Variants in CACNA2D3 observed in about 807,000 individuals in gnomAD.
The protein encoded by CACNA2D3 is calcium voltage-gated channel auxiliary subunit alpha2delta 3.
In CACNA2D3, 60 loss-of-function variants were observed where a neutral mutation model predicts 160.6. The ratio of observed to expected loss-of-function variants is 0.37; its 90% CI spans 0.30 to 0.46. The LOEUF is 0.46. Ranked by LOEUF, CACNA2D3 falls within the 20% of genes least tolerant of loss-of-function variation. CACNA2D3 has a pLI of 1.00. For missense variants in CACNA2D3, 1,205 were observed against 1,365.0 expected (o/e 0.88, Z 1.85); for synonymous variants, 558 against 492.9 (o/e 1.13, Z -1.75).
intron 13 of CACNA2D3, among the ~76,000 whole-genome samples, chr3:54,781,870 C>T (rs931945101): frequency 2.6e-5 from 4 of 152,160 alleles, no homozygotes; most frequent in Non-Finnish European, 5.9e-5. Flanking sequence ...AGTCAGCTAA[C>T]GTTCTATTTG....
chr3:54,855,435 C>T (rs1001534113), intron 17 of CACNA2D3, among the ~76,000 whole-genome samples: 1 of 152,176 alleles, frequency 6.6e-6, no homozygotes, highest in Non-Finnish European at 1.5e-5. Context: ...TTACTAAATC[C>T]TCCTTAATTT....
intron 35 of CACNA2D3, among the ~76,000 whole-genome samples, chr3:55,051,777 T>G (rs2107206624): frequency 6.6e-6 from 1 of 152,178 alleles, no homozygotes; most frequent in African/African-American, 2.4e-5. Flanking sequence ...CGTAGGACCC[T>G]CCGAGCCAGG....
intron 9 of CACNA2D3, among the ~76,000 whole-genome samples, chr3:54,586,067 A>G (rs894288422): frequency 3.5e-4 from 53 of 152,232 alleles, no homozygotes; most frequent in Admixed American, 7.8e-4. Context: ...AATCGAGACC[A>G]TCCTGGCTAA....
chr3:54,289,297 C>G (rs534810446), intron 2 of CACNA2D3, among the ~76,000 whole-genome samples: 3 of 151,886 alleles, frequency 2.0e-5, no homozygotes, highest in Non-Finnish European at 4.4e-5. Flanking sequence ...TGAGTGAACT[C>G]CCATTCACAA....
At chr3:54,805,581 G>C (rs561712793) in intron 13 of CACNA2D3, among the ~76,000 whole-genome samples, 2,814 of 152,228 alleles carry the variant, frequency 0.018, 72 homozygotes, top group African/African-American at 0.058. Flanking sequence ...ACCAAAAAGA[G>C]TCCAGGACCA....
At chr3:54,344,066 T>C (rs1698412606) in intron 3 of CACNA2D3, among the ~76,000 whole-genome samples, 1 of 152,224 alleles carries the variant, frequency 6.6e-6, no homozygotes, top group Non-Finnish European at 1.5e-5. Flanking sequence ...ATTATTTTGC[T>C]GCAAATTATC....
At chr3:54,178,873 T>C (rs2107320287) in intron 2 of CACNA2D3, among the ~76,000 whole-genome samples, 1 of 152,320 alleles carries the variant, frequency 6.6e-6, no homozygotes, top group Non-Finnish European at 1.5e-5. Context: ...TGAGGCTGCC[T>C]AGTGAGGAGT....
intron 11 of CACNA2D3, among the ~76,000 whole-genome samples, chr3:54,751,479 T>C (rs1265528233): frequency 2.6e-5 from 4 of 152,116 alleles, no homozygotes; most frequent in Non-Finnish European, 5.9e-5. Context: ...AATCTCTTCA[T>C]GTATTGAGTA....
chr3:54,953,548 A>G (rs926438881), intron 27 of CACNA2D3, among the ~76,000 whole-genome samples: 5 of 152,184 alleles, frequency 3.3e-5, no homozygotes, highest in Non-Finnish European at 5.9e-5. Flanking sequence ...CATTACAACA[A>G]GGCCTCAGGA....
intron 4 of CACNA2D3, among the ~76,000 whole-genome samples, chr3:54,428,739 C>CT (rs1291197068): frequency 1.3e-5 from 2 of 152,220 alleles, no homozygotes; most frequent in South Asian, 2.1e-4. Context: ...CCATCTCACT[C>CT]TTTGTGTATG....
At chr3:54,573,865 C>T (rs1011563) in intron 8 of CACNA2D3, among the ~76,000 whole-genome samples, 54,933 of 152,056 alleles carry the variant, frequency 0.36, 10,817 homozygotes, top group Non-Finnish European at 0.44. Context: ...AATTCTTATT[C>T]TTTTTTCCTC....
chr3:55,007,251 A>G (rs1703118071), intron 32 of CACNA2D3, among the ~76,000 whole-genome samples: 1 of 152,224 alleles, frequency 6.6e-6, no homozygotes, highest in African/African-American at 2.4e-5. Flanking sequence ...TTATATGGTT[A>G]TCATTTTCTT....
At position 55,029,504 on chromosome 3, in the gene CACNA2D3, T is replaced by G. The variant is rs1013572209; in HGVS notation, c.2987+11187T>G. On this transcript the variant is annotated intron_variant, in intron 35 of 37. Transcript: ENST00000474759. ...CAGGGATGCAGGAAAACCACAGGACTCCTTACTCGAGATTTCTCAGCCTTG... is the reference window on the plus strand; with the variant it reads ...CAGGGATGCAGGAAAACCACAGGACGCCTTACTCGAGATTTCTCAGCCTTG... Among the ~76,000 whole-genome samples, 4 of 152,188 alleles carry G rather than the reference T, an allele frequency of 2.6e-5. No individual in the cohort carries two copies. In the East Asian group the frequency reaches 7.7e-4, roughly 29 times the overall value.
intron 4 of CACNA2D3, among the ~76,000 whole-genome samples, chr3:54,387,502 A>C (rs1253851210): frequency 6.6e-6 from 1 of 152,108 alleles, no homozygotes; most frequent in Non-Finnish European, 1.5e-5. Context: ...AAATACAAAA[A>C]TTAGCTGGGC....
At chr3:54,299,549 G>T (rs757244274) in intron 2 of CACNA2D3, among the ~76,000 whole-genome samples, 1 of 152,194 alleles carries the variant, frequency 6.6e-6, no homozygotes. Context: ...ATTAAAGGAA[G>T]CGTAATGGTA....
intron 5 of CACNA2D3, among the ~76,000 whole-genome samples, chr3:54,512,578 A>G (rs1035916121): frequency 2.0e-5 from 3 of 152,160 alleles, no homozygotes; most frequent in Admixed American, 1.3e-4. Context: ...CAAGAAATTC[A>G]GTGAAGGGAG....
chr3:54,457,607 T>C, intron 4 of CACNA2D3, among the ~76,000 whole-genome samples: 1 of 152,156 alleles, frequency 6.6e-6, no homozygotes, highest in South Asian at 2.1e-4. Flanking sequence ...GGATTTTTTT[T>C]ATTGATTTTC....
chr3:54,277,974 A>G (rs1702784760), intron 2 of CACNA2D3, among the ~76,000 whole-genome samples: 1 of 152,222 alleles, frequency 6.6e-6, no homozygotes, highest in East Asian at 1.9e-4. Context: ...ATGGCAACAA[A>G]AGCCAAAATG....
chr3:54,785,983 G>A (rs908304576), intron 13 of CACNA2D3, among the ~76,000 whole-genome samples: 1 of 152,050 alleles, frequency 6.6e-6, no homozygotes, highest in African/African-American at 2.4e-5. Flanking sequence ...CATTATTTTA[G>A]TTCCTGGGAG....
Sources: allele counts gnomAD v4.1 joint callset (sites outside exome capture counted in the v4.1 genomes callset), GRCh38; gene constraint gnomAD v4.1.1; transcripts MANE v1.5; gene names NCBI Gene and HGNC (gene_info 2026-07-23, HGNC 2026-07-21).